DNM3: variants seen among roughly 807,000 people sequenced by gnomAD.
DNM3 encodes dynamin 3.
A neutral mutation model predicts 101.6 loss-of-function variants in DNM3; 47 were observed. The observed-to-expected ratio is 0.46, with a 90% CI of 0.37 to 0.59. The LOEUF (loss-of-function observed/expected upper bound fraction) is 0.59, where lower values mean the gene tolerates loss of function less well. DNM3 is among the 20% of genes least tolerant of loss of function. The probability of loss-of-function intolerance (pLI) is 0.00; values close to 1 mark genes in which losing one functional copy is unlikely to be tolerated. For synonymous variants in DNM3, 385 were observed against 387.9 expected (o/e 0.99, Z 0.09); for missense variants, 849 against 1,085.7 (o/e 0.78, Z 3.06).
At chr1:172,241,523 C>T (rs554443212) in intron 14 of DNM3, among the ~76,000 whole-genome samples, 1 of 152,076 alleles carries the variant, frequency 6.6e-6, no homozygotes, top group South Asian at 2.1e-4. Flanking sequence ...ACAGAATCAA[C>T]TCTAGCTAGT....
intron 16 of DNM3, among the ~76,000 whole-genome samples, chr1:172,313,822 G>A (rs1025661252): frequency 2.0e-5 from 3 of 151,718 alleles, no homozygotes; most frequent in African/African-American, 4.9e-5. Context: ...TATACTTTAA[G>A]TTCTAGGATA....
chr1:172,379,353 G>A (rs1204536559), intron 18 of DNM3, among the ~76,000 whole-genome samples, 171 bp downstream of exon 18: 4 of 152,000 alleles, frequency 2.6e-5, no homozygotes. Context: ...AGAGAACTTA[G>A]GGAAGAAAAC....
intron 1 of DNM3, among the ~76,000 whole-genome samples, chr1:171,879,853 T>C (rs757456660): frequency 1.6e-4 from 25 of 152,372 alleles, no homozygotes; most frequent in Admixed American, 6.5e-4. Flanking sequence ...TTCAGAGCTG[T>C]CTGCTGCCTG....
rs563502751 is a variant in DNM3, at chr1:172,202,620, G to A, written c.1660-50953G>A. Among the ~76,000 whole-genome samples the A allele has an allele frequency of 7.9e-5, 12 of 152,182 alleles. No individual in the cohort carries two copies. The South Asian group carries it at 1.7e-3, about 21-fold the overall frequency. ...ATTTTGCCTCCTTAAGACTTAGCGC[G>A]GTAACTGGACATTTCAACCAATGTT... On this transcript the variant is annotated intron_variant, in intron 14 of 20. Transcript: ENST00000627582.
intron 16 of DNM3, among the ~76,000 whole-genome samples, chr1:172,315,048 A>T (rs1159936440): frequency 2.0e-5 from 3 of 152,164 alleles, no homozygotes; most frequent in African/African-American, 7.2e-5. Context: ...CAAAACTTCC[A>T]GAGGAACAAT....
chr1:171,961,891 A>G (rs967276753), intron 2 of DNM3, among the ~76,000 whole-genome samples: 1 of 152,186 alleles, frequency 6.6e-6, no homozygotes, highest in African/African-American at 2.4e-5. Context: ...CTATAATAGA[A>G]TACCCAAAAA....
At chr1:172,329,164 T>C (rs2066073760) in intron 17 of DNM3, among the ~76,000 whole-genome samples, 5 of 152,114 alleles carry the variant, frequency 3.3e-5, no homozygotes. Flanking sequence ...TGTCTATCTT[T>C]GGCAGATCAA....
At chr1:171,947,007 A>G (rs2042212710) in intron 2 of DNM3, among the ~76,000 whole-genome samples, 2 of 152,168 alleles carry the variant, frequency 1.3e-5, no homozygotes, top group South Asian at 4.1e-4. Flanking sequence ...TGGGGATCAG[A>G]TTTTAACATG....
At chr1:172,115,518 A>G (rs543571391) in intron 13 of DNM3, among the ~76,000 whole-genome samples, 5 of 152,266 alleles carry the variant, frequency 3.3e-5, no homozygotes, top group South Asian at 2.1e-4. Context: ...AAGGTCTCCA[A>G]TGACTGTTAA....
At chr1:172,047,564 A>G (rs1437021916) in intron 9 of DNM3, among the ~76,000 whole-genome samples, 1 of 152,170 alleles carries the variant, frequency 6.6e-6, no homozygotes, top group Admixed American at 6.5e-5. Flanking sequence ...GATTAGAGTC[A>G]AACAGTGGAA....
At position 171,847,860 on chromosome 1, in the gene DNM3, C is replaced by A. The variant is rs7551525; in HGVS notation, c.161+6043C>A. On this transcript the variant is annotated intron_variant, in intron 1 of 20. Transcript: ENST00000627582. Reference sequence around the variant, plus strand: ...ATCATTTCCAACAAATTAGAGGGTTCATTAATACCATATTAATTACTCTCT... The same window carrying A: ...ATCATTTCCAACAAATTAGAGGGTTAATTAATACCATATTAATTACTCTCT... 8.4e-3 allele frequency among the ~76,000 whole-genome samples: 1,251 copies of A among 148,172 alleles called. 24 individuals carry two copies. Among genetic ancestry groups the A allele is most frequent in the African/African-American group, 0.03 (1,195 of 39,590 alleles).
At chr1:171,886,538 T>G (rs1234251523) in intron 1 of DNM3, among the ~76,000 whole-genome samples, 1 of 152,316 alleles carries the variant, frequency 6.6e-6, no homozygotes, top group Non-Finnish European at 1.5e-5. Flanking sequence ...CAACCCATTT[T>G]TTTTTTAAAG....
chr1:172,314,248 G>C lies in DNM3; in HGVS notation c.1881+5409G>C, dbSNP rs963592336. 2.6e-5 allele frequency among the ~76,000 whole-genome samples: 4 copies of C among 152,194 alleles called. No homozygotes were observed. In the East Asian group the frequency reaches 7.7e-4, roughly 29 times the overall value. ...ACTGGATAAAGAAAATGTGGCACAG[G>C]GGGAGGAGCCAAGATGGCCGAATAG... On this transcript the variant is annotated intron_variant, in intron 16 of 20. Coordinates refer to ENST00000627582, the MANE Select transcript of DNM3 (RefSeq NM_015569.5).
intron 16 of DNM3, among the ~76,000 whole-genome samples, chr1:172,312,382 T>A (rs1344551316): frequency 1.3e-5 from 2 of 152,214 alleles, no homozygotes; most frequent in Non-Finnish European, 2.9e-5. Flanking sequence ...TCTATATAGA[T>A]CATTTTTAAA....
chr1:172,024,155 GC>G (rs1214368201), intron 4 of DNM3, among the ~76,000 whole-genome samples: 1 of 150,952 alleles, frequency 6.6e-6, no homozygotes, highest in Non-Finnish European at 1.5e-5. Flanking sequence ...AATCTTTTTG[GC>G]TTTTCCTTCT....
At chr1:172,021,989 C>G (rs1289090434) in intron 4 of DNM3, among the ~76,000 whole-genome samples, 2 of 152,180 alleles carry the variant, frequency 1.3e-5, no homozygotes, top group African/African-American at 4.8e-5. Context: ...AAACTTAGTT[C>G]TGTAAACAGT....
rs1382416720 is a variant in DNM3, at chr1:172,119,713, T to TAACATCTTGACATGTC, written c.1546-11462_1546-11461insAACATCTTGACATGTC. Among the ~76,000 whole-genome samples, 3 of 152,208 alleles carry TAACATCTTGACATGTC rather than the reference T, an allele frequency of 2.0e-5. No individual in the cohort carries two copies. In the East Asian group the frequency reaches 5.8e-4, roughly 29 times the overall value. On this transcript the variant is annotated intron_variant, in intron 13 of 20. Coordinates refer to ENST00000627582, the MANE Select transcript of DNM3 (RefSeq NM_015569.5). ...ACAGCCAATGATCTATTTCACATGT[T>TAACATCTTGACATGTC]CACATCTTGACATGTCCAGACTGAA...
At chr1:172,357,483 A>G (rs1407064596) in intron 17 of DNM3, among the ~76,000 whole-genome samples, 2 of 152,130 alleles carry the variant, frequency 1.3e-5, no homozygotes, top group African/African-American at 4.8e-5. Context: ...ATTAATAACG[A>G]GGAAACATCA....
chr1:172,247,666 T>C (rs2062009163), intron 14 of DNM3, among the ~76,000 whole-genome samples: 1 of 150,316 alleles, frequency 6.7e-6, no homozygotes, highest in Non-Finnish European at 1.5e-5. Flanking sequence ...CTTATTTATT[T>C]ATTTATTTAT....
Sources: allele counts gnomAD v4.1 joint callset (sites outside exome capture counted in the v4.1 genomes callset), GRCh38; gene constraint gnomAD v4.1.1; transcripts MANE v1.5; gene names NCBI Gene and HGNC (gene_info 2026-07-23, HGNC 2026-07-21).